PLCH2: variants seen among roughly 807,000 people sequenced by gnomAD.
The protein encoded by PLCH2 is 1-phosphatidylinositol 4,5-bisphosphate phosphodiesterase eta-2.
In PLCH2, 98 loss-of-function variants were observed where a neutral mutation model predicts 134.7. The observed-to-expected ratio is 0.73, with a 90% confidence interval of 0.62 to 0.86. PLCH2 has a LOEUF of 0.86. Among genes scored for constraint, PLCH2 ranks in the 40% least tolerant of loss-of-function variants. The probability of loss-of-function intolerance (pLI) is 0.00; values close to 1 mark genes in which losing one functional copy is unlikely to be tolerated. For missense variants in PLCH2, 1,994 were observed against 1,986.6 expected, an observed-to-expected ratio of 1.00 and a Z score of -0.07; for synonymous variants, 974 against 827.5, an observed-to-expected ratio of 1.18 and a Z score of -3.04.
upstream of PLCH2, among the ~76,000 whole-genome samples, chr1:2,474,608 A>G (rs936702727): frequency 6.8e-6 from 1 of 147,660 alleles, no homozygotes; most frequent in Non-Finnish European, 1.5e-5. Context: ...AGTGGCTGAG[A>G]GCTCAAGGGA....
chr1:2,462,219 C>A lies in PLCH2; in HGVS notation c.116-16257C>A, dbSNP rs187746027. 4.6e-3 allele frequency among the ~76,000 whole-genome samples: 444 copies of A among 97,432 alleles called. 3 individuals carry two copies. Among genetic ancestry groups the A allele is most frequent in the Non-Finnish European group, 6.5e-3 (312 of 47,926 alleles). 63.9% of individuals were successfully genotyped at this position (97,432 alleles called of 152,430 possible). On this transcript the variant is annotated intron_variant, in intron 2 of 3. Coordinates refer to the PLCH2 transcript ENST00000609981. ...CCCCCTCCACCTGATACCCCCTCCA[C>A]CTGACACCCCCGCCTGACACCTCCT...
chr1:2,501,869 G>T (rs1643243095), intron 20 of PLCH2: 2 of 458,910 alleles, frequency 4.4e-6, no homozygotes, highest in African/African-American at 2.0e-5. Context: ...TCTGCCGGAA[G>T]GGTGGGGTGG....
exon 1 of PLCH2, chr1:2,426,036 T>C (rs2494434): frequency 1 from 152,237 of 152,354 alleles, 76,060 homozygotes; most frequent in Middle Eastern, 1. Context: ...AACTGAGCTT[T>C]GGTACAGTTC....
chr1:2,479,984 T>C lies in PLCH2; in HGVS notation c.515+7T>C. ...GCCAGCGCACCAGGGACCAATATCC[T>C]TGGGCACCTATCGGGCAATGCAGAC... On this transcript the variant is annotated splice_region_variant and intron_variant, in intron 3 of 21. Transcript: ENST00000378486. 1 of 1,601,764 alleles carries C rather than the reference T, an allele frequency of 6.2e-7. No individual in the cohort carries two copies. The highest frequency in any genetic ancestry group is 1.3e-5 in the African/African-American group (1 of 74,846).
At chr1:2,485,979 C>T (rs560666013) in intron 5 of PLCH2, among the ~76,000 whole-genome samples, 2 of 152,290 alleles carry the variant, frequency 1.3e-5, no homozygotes, top group East Asian at 3.9e-4. Flanking sequence ...GCAGGCATGA[C>T]ACCCGGGACG....
At chr1:2,487,497 T>C in intron 7 of PLCH2, 101 bp from the exon 8 acceptor site, 1 of 1,493,110 alleles carries the variant, frequency 6.7e-7, no homozygotes, top group Non-Finnish European at 9.1e-7. Context: ...TCTGTGTCCC[T>C]CACTGAGCAA....
At chr1:2,483,769 GGGC>G (rs1642106812) in intron 4 of PLCH2, among the ~76,000 whole-genome samples, 1 of 126,010 alleles carries the variant, frequency 7.9e-6, no homozygotes, top group Non-Finnish European at 1.8e-5. Context: ...CCGTTTGGGG[GGGC>G]GCTGACCCCC....
At position 2,500,180 on chromosome 1, in the gene PLCH2, T is replaced by C. The variant is rs376184684; in HGVS notation, c.2661+460T>C. 7.4e-5 allele frequency: 13 copies of C among 174,664 alleles called. No individual in the cohort carries two copies. In the East Asian group the frequency reaches 7.6e-4, roughly 10 times the overall value. 10.8% of individuals were successfully genotyped at this position (174,664 alleles called of 1,614,324 possible). On this transcript the variant is annotated intron_variant, in intron 20 of 21. Coordinates refer to ENST00000378486, the MANE Select transcript of PLCH2 (RefSeq NM_014638.4). ...TGTGACTCCACACCCAGCATGTCTG[T>C]CCCCTGCCCCAGGTCAGGGTGGGGC...
At position 2,498,926 on chromosome 1, in the gene PLCH2, C is replaced by G; in HGVS notation, c.2434+98C>G. 1 of 1,342,654 alleles carries G rather than the reference C, an allele frequency of 7.4e-7. No homozygotes were observed. The highest frequency in any genetic ancestry group is 1.0e-6 in the Non-Finnish European group (1 of 961,630). The allele number at this position is 1,342,654 out of a possible 1,614,324, so 83.2% of individuals were successfully genotyped here. On this transcript the variant is annotated intron_variant, in intron 18 of 21. Coordinates refer to ENST00000378486, the MANE Select transcript of PLCH2 (RefSeq NM_014638.4). The surrounding 1 kb of genome is among the most constrained non-coding windows in gnomAD (Gnocchi z 5.4). ...GCCCGGGTGCCCTGCCCAGGCCTCC[C>G]TCAGTGACAGTCCTGGGCGCCCTCC...
At chr1:2,449,061 G>A (rs1410535968) in intron 2 of PLCH2, among the ~76,000 whole-genome samples, 1 of 152,162 alleles carries the variant, frequency 6.6e-6, no homozygotes, top group Non-Finnish European at 1.5e-5. Flanking sequence ...AGGCTCAGAT[G>A]GGTCTGGGAG....
At position 2,484,522 on chromosome 1, in the gene PLCH2, C is replaced by T. The variant is rs1341178117; in HGVS notation, c.720C>T (p.Thr240=). The T allele has an allele frequency of 1.2e-6, 2 of 1,613,220 alleles. No homozygotes were observed. The highest frequency in any genetic ancestry group is 1.7e-6 in the Non-Finnish European group (2 of 1,179,800). ...EFCAFYKMMS[T]RRDLYLLMLT... ...GTGCCTTCTACAAGATGATGTCCAC[C>T]CGCCGGGACCTCTACCTGCTCATGC... The change falls in exon 5 of 22, where the codon ACC becomes ACT. Residue 240 remains threonine, a synonymous_variant. Coordinates refer to ENST00000378486, the MANE Select transcript of PLCH2 (RefSeq NM_014638.4).
chr1:2,455,768 G>C (rs866291688), intron 2 of PLCH2, among the ~76,000 whole-genome samples: 3 of 152,090 alleles, frequency 2.0e-5, no homozygotes, highest in Non-Finnish European at 4.4e-5. Context: ...CCAGTTCGGG[G>C]AGTATGGCCA....
intron 1 of PLCH2, among the ~76,000 whole-genome samples, chr1:2,429,934 C>T (rs1294359769): frequency 6.6e-6 from 1 of 152,164 alleles, no homozygotes; most frequent in Non-Finnish European, 1.5e-5. Flanking sequence ...TCCTGGGAGA[C>T]TGGCTGGTTT....
intron 2 of PLCH2, among the ~76,000 whole-genome samples, chr1:2,437,927 T>C (rs1639509841): frequency 1.3e-5 from 2 of 152,218 alleles, no homozygotes; most frequent in African/African-American, 2.4e-5. Flanking sequence ...CCGCCTCCTC[T>C]TTGGCCTCGA....
At chr1:2,503,015 G>A (rs949243680) in intron 21 of PLCH2, 21 of 714,864 alleles carry the variant, frequency 2.9e-5, no homozygotes, top group Admixed American at 6.0e-5. Context: ...TCGTGTGCTC[G>A]TGCTCGTGGC....
At position 2,437,434 on chromosome 1, in the gene PLCH2, C is replaced by T. The variant is rs576486834; in HGVS notation, c.115+6805C>T. Among the ~76,000 whole-genome samples, 4 of 151,310 alleles carry T rather than the reference C, an allele frequency of 2.6e-5. No individual in the cohort carries two copies. The South Asian group carries it at 8.4e-4, about 32-fold the overall frequency. ...CATCCCTGAGGACTCAACCTCAGAC[C>T]CTGACTCCAGGCCTCCCTGCTGGGC... On this transcript the variant is annotated intron_variant, in intron 2 of 3. Coordinates refer to the PLCH2 transcript ENST00000609981.
intron 2 of PLCH2, among the ~76,000 whole-genome samples, chr1:2,430,846 G>C (rs974968597): frequency 2.0e-5 from 3 of 152,196 alleles, no homozygotes; most frequent in Non-Finnish European, 4.4e-5. Context: ...TGCAATTCAA[G>C]AGCTCTCAGT....
chr1:2,504,708 C>T lies in PLCH2; in HGVS notation c.3746C>T (p.Pro1249Leu). ...CLSLVGVQDC[P>L]VAAKSKSLGD... ...TCCCTGGTGGGCGTGCAGGACTGCCCCGTGGCTGCCAAGTCCAAGAGCCTG... is the reference window on the plus strand; with the variant it reads ...TCCCTGGTGGGCGTGCAGGACTGCCTCGTGGCTGCCAAGTCCAAGAGCCTG... The change falls in exon 22 of 22, where the codon CCC becomes CTC. Residue 1249 changes from proline to leucine, a missense_variant. Physicochemically the swap from Pro to Leu is moderately conservative, Grantham distance 98. Transcript: ENST00000378486. The T allele has an allele frequency of 6.2e-7, 1 of 1,612,530 alleles. No homozygotes were observed. Among genetic ancestry groups the T allele is most frequent in the Non-Finnish European group, 8.5e-7 (1 of 1,179,770 alleles).
chr1:2,426,185 T>C (rs1245613644), intron 1 of PLCH2: 1 of 152,300 alleles, frequency 6.6e-6, no homozygotes, highest in Non-Finnish European at 1.5e-5. Flanking sequence ...TCACCATCTG[T>C]GCAGATGTCA....
Sources: gnomAD v4.1 joint callset for allele counts (sites outside exome capture counted in the v4.1 genomes callset) on GRCh38, gnomAD v4.1.1 for gene constraint, Gnocchi (gnomAD v3.1) non-coding constraint, MANE v1.5 for transcripts, NCBI Gene and HGNC (gene_info 2026-07-23, HGNC 2026-07-21) for gene names.